Variants in NFIX observed in about 807,000 individuals in gnomAD.
NFIX encodes the protein nuclear factor 1 X-type.
In NFIX, 2 loss-of-function variants were observed where a neutral mutation model predicts 53.3. That is an observed-to-expected ratio of 0.04 (90% CI 0.02 to 0.12). NFIX has a LOEUF of 0.12. Among genes scored for constraint, NFIX ranks in the 10% least tolerant of loss-of-function variants. The pLI is 1.00. For synonymous variants in NFIX, 244 were observed against 289.0 expected (o/e 0.84, Z 1.58); for missense variants, 310 against 674.5 (o/e 0.46, Z 5.99).
At position 13,089,840 on chromosome 19, in the gene NFIX, G is replaced by T. The variant is rs2018028049; in HGVS notation, c.1403-459G>T. On this transcript the variant is annotated intron_variant, in intron 9 of 10. Transcript: ENST00000592199. The surrounding 1 kb of genome is among the most constrained non-coding windows in gnomAD (Gnocchi z 4.8). ...CTGCCAAAGCCTCCACCCTCCCCTG[G>T]CCCCCTCTCTTCAGTACCTGAGAGG... Among the ~76,000 whole-genome samples the T allele has an allele frequency of 6.6e-6, 1 of 152,126 alleles. No homozygotes were observed. Among genetic ancestry groups the T allele is most frequent in the Non-Finnish European group, 1.5e-5 (1 of 67,994 alleles).
intron 6 of NFIX, 117 bp downstream of exon 6, chr19:13,075,788 A>G: frequency 1.6e-6 from 2 of 1,236,252 alleles, no homozygotes; most frequent in Non-Finnish European, 2.2e-6. Flanking sequence ...GGCATTACCC[A>G]TCTGTTTTCT....
In NFIX at chr19:13,000,252, T is replaced by C. The variant is rs534822334; in HGVS notation, c.27+4388T>C. On this transcript the variant is annotated intron_variant, in intron 1 of 10. Transcript: ENST00000592199. ...CAGTGTCTATCTCTTGGGCTGTACT[T>C]AGGTTCAATGTGGTGCCTGGCACAT... Among the ~76,000 whole-genome samples the C allele has an allele frequency of 3.3e-5, 5 of 152,278 alleles. No homozygotes were observed. In the East Asian group the frequency reaches 9.7e-4, roughly 29 times the overall value.
At chr19:13,031,349 A>T (rs1414362477) in intron 2 of NFIX, among the ~76,000 whole-genome samples, 1 of 152,156 alleles carries the variant, frequency 6.6e-6, no homozygotes, top group Admixed American at 6.5e-5. Context: ...GCCTGATCCC[A>T]TAATTATGGG....
At position 13,012,788 on chromosome 19, in the gene NFIX, C is replaced by T. The variant is rs530728129; in HGVS notation, c.28-12233C>T. On this transcript the variant is annotated intron_variant, in intron 1 of 10. Transcript: ENST00000592199. This position sits in a 1 kb window ranked among gnomAD's most constrained non-coding sequence, Gnocchi z 5.0. Reference sequence around the variant, plus strand: ...AATCCGAGGACAGCTTGGGGGCGTCCCTTCGGAGAGGATCTCTCCGCGTCG... The same window carrying T: ...AATCCGAGGACAGCTTGGGGGCGTCTCTTCGGAGAGGATCTCTCCGCGTCG... Among the ~76,000 whole-genome samples the T allele has an allele frequency of 1.3e-5, 2 of 152,288 alleles. No homozygotes were observed. Among genetic ancestry groups the T allele is most frequent in the Non-Finnish European group, 2.9e-5 (2 of 68,008 alleles).
chr19:13,023,955 C>A, intron 1 of NFIX: 6 of 1,276,174 alleles, frequency 4.7e-6, no homozygotes, highest in Middle Eastern at 2.7e-4. Flanking sequence ...CCTCCCCCCA[C>A]CCGCCCCCAA....
chr19:13,027,814 C>T lies in NFIX; in HGVS notation c.559+2262C>T, dbSNP rs2013487597. On this transcript the variant is annotated intron_variant, in intron 2 of 10. Transcript: ENST00000592199. The surrounding 1 kb of genome is among the most constrained non-coding windows in gnomAD (Gnocchi z 4.3). ...CATACCCCATTCCATGTAGCCGAGG[C>T]CACTTCTCTGGGCTGGGGCTGAGGC... 6.6e-6 allele frequency among the ~76,000 whole-genome samples: 1 copy of T among 152,220 alleles called. No homozygotes were observed. The highest frequency in any genetic ancestry group is 1.5e-5 in the Non-Finnish European group (1 of 68,034).
rs2017456391 is a variant in NFIX, at chr19:13,081,429, T to C, written c.1079-251T>C. ...ATCAAACTTTATTTACAAAAACAAA[T>C]GGCTGGCCTTTGGACCCTAGTTTGC... is the stretch of plus-strand genomic sequence containing the variant. On this transcript the variant is annotated intron_variant, in intron 7 of 10. Coordinates refer to ENST00000592199, the MANE Select transcript of NFIX (RefSeq NM_001365902.3). The surrounding 1 kb of genome is among the most constrained non-coding windows in gnomAD (Gnocchi z 4.7). Among the ~76,000 whole-genome samples, 1 of 152,182 alleles carries C rather than the reference T, an allele frequency of 6.6e-6. No individual in the cohort carries two copies. Among genetic ancestry groups the C allele is most frequent in the South Asian group, 2.1e-4 (1 of 4,826 alleles).
At chr19:13,024,823 T>C (rs1360186416) in intron 1 of NFIX, 198 bp from the exon 2 acceptor site, 1 of 1,363,944 alleles carries the variant, frequency 7.3e-7, no homozygotes, top group Non-Finnish European at 1.0e-6. Context: ...CTGGCGAAGC[T>C]GGTGGTGGCT....
At chr19:13,010,851 G>A (rs2012302283) in intron 1 of NFIX, among the ~76,000 whole-genome samples, 1 of 152,192 alleles carries the variant, frequency 6.6e-6, no homozygotes, top group South Asian at 2.1e-4. Flanking sequence ...AGGGAAGGGA[G>A]GCCTAATTCC....
At chr19:13,055,996 G>C (rs911902194) in intron 2 of NFIX, among the ~76,000 whole-genome samples, 1 of 152,228 alleles carries the variant, frequency 6.6e-6, no homozygotes, top group Admixed American at 6.5e-5. Flanking sequence ...TGGTCTGTGG[G>C]GAGGCCTGTG....
chr19:13,032,977 C>G (rs546722036), intron 2 of NFIX, among the ~76,000 whole-genome samples: 1 of 152,256 alleles, frequency 6.6e-6, no homozygotes, highest in East Asian at 1.9e-4. Context: ...GACCGAGACT[C>G]AGGCAGGTGG....
At chr19:13,017,683 T>A (rs1002237387) in intron 1 of NFIX, among the ~76,000 whole-genome samples, 1 of 152,150 alleles carries the variant, frequency 6.6e-6, no homozygotes, top group African/African-American at 2.4e-5. Context: ...GTGCCTGGGG[T>A]GAGTTTTCAG....
intron 1 of NFIX, among the ~76,000 whole-genome samples, chr19:13,019,498 T>TC (rs2012844373): frequency 6.6e-6 from 1 of 152,136 alleles, no homozygotes; most frequent in Non-Finnish European, 1.5e-5. Context: ...TCTGTTTCCC[T>TC]CCATCTTTGT....
rs8113263 is a variant in NFIX at position 13,068,848 on chromosome 19, C to T, written c.560-4199C>T. 3.3e-5 allele frequency among the ~76,000 whole-genome samples: 5 copies of T among 152,120 alleles called. No homozygotes were observed. Among genetic ancestry groups the T allele is most frequent in the South Asian group, 2.1e-4 (1 of 4,828 alleles). On this transcript the variant is annotated intron_variant, in intron 2 of 10. Transcript: ENST00000592199. This position sits in a 1 kb window ranked among gnomAD's most constrained non-coding sequence, Gnocchi z 4.2. ...CCCAGGTCCCCAGAGAAGGACAGCC[C>T]GCAGAGCTGCGTGTTTGTGTGACAC...
Position 13,066,161 on chromosome 19 carries a change from C to T in NFIX, c.560-6886C>T, listed in dbSNP as rs1223484012. ...TGAGCTGATGGACTTGCTTTCTCCT[C>T]GCTTCCCGAAGCCTTACTGCCGAGC... is the stretch of plus-strand genomic sequence containing the variant. On this transcript the variant is annotated intron_variant, in intron 2 of 10. Transcript: ENST00000592199. The surrounding 1 kb of genome is among the most constrained non-coding windows in gnomAD (Gnocchi z 4.2). Among the ~76,000 whole-genome samples, 1 of 152,186 alleles carries T rather than the reference C, an allele frequency of 6.6e-6. No individual in the cohort carries two copies. Among genetic ancestry groups the T allele is most frequent in the African/African-American group, 2.4e-5 (1 of 41,442 alleles).
At chr19:13,056,401 C>G (rs1361558776) in intron 2 of NFIX, among the ~76,000 whole-genome samples, 1 of 152,192 alleles carries the variant, frequency 6.6e-6, no homozygotes, top group African/African-American at 2.4e-5. Context: ...TTATGAGGTG[C>G]TCACTGTGTG....
At chr19:13,077,478 AGCTG>A (rs1196282510) in intron 6 of NFIX, among the ~76,000 whole-genome samples, 1 of 152,164 alleles carries the variant, frequency 6.6e-6, no homozygotes, top group Non-Finnish European at 1.5e-5. Flanking sequence ...AGCTGTGCAC[AGCTG>A]GTAGGATGCT....
rs907251202 is a variant in NFIX, at chr19:13,021,259, C to G, written c.28-3762C>G. Among the ~76,000 whole-genome samples the G allele has an allele frequency of 6.6e-6, 1 of 152,114 alleles. No homozygotes were observed. Among genetic ancestry groups the G allele is most frequent in the African/African-American group, 2.4e-5 (1 of 41,418 alleles). On this transcript the variant is annotated intron_variant, in intron 1 of 10. Coordinates refer to ENST00000592199, the MANE Select transcript of NFIX (RefSeq NM_001365902.3). This position sits in a 1 kb window ranked among gnomAD's most constrained non-coding sequence, Gnocchi z 4.2. ...TTGGACACCACCCTAAGAGGCCTGT[C>G]TCTGATACCACCTGCCTTCTGTACT...
chr19:13,089,887 A>G lies in NFIX; in HGVS notation c.1403-412A>G, dbSNP rs916297038. Among the ~76,000 whole-genome samples the G allele has an allele frequency of 1.3e-5, 2 of 152,154 alleles. No individual in the cohort carries two copies. The highest frequency in any genetic ancestry group is 2.1e-4 in the South Asian group (1 of 4,830). On this transcript the variant is annotated intron_variant, in intron 9 of 10. Transcript: ENST00000592199. The surrounding 1 kb of genome is among the most constrained non-coding windows in gnomAD (Gnocchi z 4.8). Reference sequence around the variant, plus strand: ...GAGGGGCCAGTGGGAAAGCAGGGTTATCCACTGAGGGTACCTGGGGACCAG... The same window carrying G: ...GAGGGGCCAGTGGGAAAGCAGGGTTGTCCACTGAGGGTACCTGGGGACCAG...
Sources: gnomAD v4.1 joint callset for allele counts (sites outside exome capture counted in the v4.1 genomes callset) on GRCh38, gnomAD v4.1.1 for gene constraint, Gnocchi (gnomAD v3.1) non-coding constraint, MANE v1.5 for transcripts, NCBI Gene and HGNC (gene_info 2026-07-23, HGNC 2026-07-21) for gene names.